Variants in HECTD2 observed in about 807,000 individuals in gnomAD.
HECTD2 encodes HECT domain E3 ubiquitin protein ligase 2.
In HECTD2, 35 loss-of-function variants were observed where a neutral mutation model predicts 103.2. The ratio of observed to expected loss-of-function variants is 0.34; its 90% CI spans 0.26 to 0.45. HECTD2 has a LOEUF of 0.45. HECTD2 is among the 20% of genes least tolerant of loss of function. HECTD2 has a pLI of 1.00. For synonymous variants in HECTD2, 281 were observed against 329.9 expected, an observed-to-expected ratio of 0.85 and a Z score of 1.61; for missense variants, 596 against 937.4, an observed-to-expected ratio of 0.64 and a Z score of 4.76.
chr10:91,426,188 G>A (rs1843551718), intron 2 of HECTD2, among the ~76,000 whole-genome samples: 1 of 152,016 alleles, frequency 6.6e-6, no homozygotes, highest in Non-Finnish European at 1.5e-5. Flanking sequence ...GGTTTCCTCA[G>A]GGAGGTAGAA....
chr10:91,429,413 C>T (rs1843733502), intron 2 of HECTD2, among the ~76,000 whole-genome samples: 1 of 151,928 alleles, frequency 6.6e-6, no homozygotes, highest in Non-Finnish European at 1.5e-5. Flanking sequence ...AGGGAGGATT[C>T]CCTCTTTTTC....
chr10:91,512,771 A>G lies in HECTD2; in HGVS notation c.*387A>G, dbSNP rs1315020970. ...ACTGCTAGCACTGCTAGCACACAGT[A>G]GCAAAGCAAACAGCTACATTATCTT... On this transcript the variant is annotated 3_prime_UTR_variant, in exon 21 of 21. Coordinates refer to ENST00000298068, the MANE Select transcript of HECTD2 (RefSeq NM_182765.6). The G allele has an allele frequency of 1.2e-5, 2 of 171,646 alleles. No homozygotes were observed. Among genetic ancestry groups the G allele is most frequent in the African/African-American group, 4.8e-5 (2 of 42,068 alleles). 10.6% of individuals were successfully genotyped at this position (171,646 alleles called of 1,614,324 possible).
chr10:91,460,450 C>T lies in HECTD2; in HGVS notation c.292C>T (p.Leu98Phe). The T allele has an allele frequency of 1.2e-6, 2 of 1,608,402 alleles. No individual in the cohort carries two copies. Among genetic ancestry groups the T allele is most frequent in the Non-Finnish European group, 1.7e-6 (2 of 1,177,452 alleles). ...KNVREPPPICLDVRQKQRTSM... is the reference protein window; with the variant it reads ...KNVREPPPICFDVRQKQRTSM... ...AGTGAGAGAACCACCACCAATTTGCCTTGATGTTAGACAAAAACAGCGTAC... is the reference window on the plus strand; with the variant it reads ...AGTGAGAGAACCACCACCAATTTGCTTTGATGTTAGACAAAAACAGCGTAC... The change falls in exon 3 of 21, where the codon CTT becomes TTT. Residue 98 changes from leucine to phenylalanine, a missense_variant. This residue lies in a region of HECTD2 where 220 missense variants were observed against 233.9 expected (regional missense o/e 0.94). Transcript: ENST00000298068.
intron 5 of HECTD2, among the ~76,000 whole-genome samples, chr10:91,476,166 A>G (rs996527696): frequency 1.1e-4 from 17 of 152,316 alleles, no homozygotes; most frequent in African/African-American, 3.8e-4. Flanking sequence ...AGGAGAGATA[A>G]GGAAAAACTT....
intron 2 of HECTD2, 64 bp downstream of exon 2, chr10:91,425,474 A>T (rs1265805570): frequency 8.1e-7 from 1 of 1,230,536 alleles, no homozygotes; most frequent in East Asian, 2.7e-5. Flanking sequence ...AAAAGTAGAC[A>T]TTAATTATTC....
intron 1 of HECTD2, among the ~76,000 whole-genome samples, chr10:91,414,037 AGTG>A (rs1396344183): frequency 2.0e-5 from 3 of 152,236 alleles, no homozygotes; most frequent in Non-Finnish European, 4.4e-5. Flanking sequence ...TGTTTAAAAA[AGTG>A]GTGAATGAGA....
chr10:91,437,410 G>A (rs188645610), intron 2 of HECTD2, among the ~76,000 whole-genome samples: 34 of 152,144 alleles, frequency 2.2e-4, no homozygotes, highest in African/African-American at 7.9e-4. Flanking sequence ...TCAAAAGAGA[G>A]AGCCAAGCAC....
rs1452122109 is a variant in HECTD2, at chr10:91,462,184, T to C, written c.600T>C (p.Thr200=). The C allele has an allele frequency of 3.2e-6, 5 of 1,576,614 alleles. No homozygotes were observed. Among genetic ancestry groups the C allele is most frequent in the Non-Finnish European group, 4.3e-6 (5 of 1,152,202 alleles). ...VNAVYDTLLN[T]PQDVQKTVLK... is the part of the protein sequence containing the mutation. ...CTGTGTATGATACCTTACTTAATAC[T>C]GTAAGTATTATGACATGCAAGTAAT... Residue 200 remains threonine, a splice_region_variant and synonymous_variant, in exon 5 of 21, where the codon ACT becomes ACC. Coordinates refer to ENST00000298068, the MANE Select transcript of HECTD2 (RefSeq NM_182765.6).
intron 9 of HECTD2, 59 bp downstream of exon 9, chr10:91,484,714 T>C: frequency 2.2e-6 from 3 of 1,349,462 alleles, no homozygotes; most frequent in Non-Finnish European, 2.0e-6. Flanking sequence ...TAGGGATATT[T>C]CTTAAGGATT....
chr10:91,460,681 A>C, intron 3 of HECTD2, 116 bp downstream of exon 3: 1 of 965,372 alleles, frequency 1.0e-6, no homozygotes. Context: ...ATTAGCCAAG[A>C]GGACCTCAAA....
At position 91,504,796 on chromosome 10, in the gene HECTD2, G is replaced by A. The variant is rs902389447; in HGVS notation, c.2210+3462G>A. On this transcript the variant is annotated intron_variant, in intron 20 of 20. Transcript: ENST00000298068. ...AGAGAACACCACAAAGATACTCCTC[G>A]AGAAGAGCAACTCCAAGACACATAA... 1.5e-4 allele frequency among the ~76,000 whole-genome samples: 22 copies of A among 151,438 alleles called. No homozygotes were observed. The South Asian group carries it at 3.2e-3, about 22-fold the overall frequency.
At chr10:91,410,650 G>C in intron 1 of HECTD2, 74 bp downstream of exon 1, 1 of 1,280,642 alleles carries the variant, frequency 7.8e-7, no homozygotes, top group Non-Finnish European at 9.9e-7. Flanking sequence ...GGCGAGGGCC[G>C]TCAGGAGGCC....
chr10:91,459,023 C>T (rs959730669), intron 2 of HECTD2, among the ~76,000 whole-genome samples: 1 of 151,898 alleles, frequency 6.6e-6, no homozygotes, highest in African/African-American at 2.4e-5. Flanking sequence ...GCTTTCAGTA[C>T]TTAACAGCAA....
chr10:91,483,092 A>C lies in HECTD2; in HGVS notation c.821+16A>C, dbSNP rs781623994. Reference sequence around the variant, plus strand: ...GGTTTAAAAAGTAAATCATTCTATGATATTAAGAACTTTTATAGTCTCACA... The same window carrying C: ...GGTTTAAAAAGTAAATCATTCTATGCTATTAAGAACTTTTATAGTCTCACA... On this transcript the variant is annotated intron_variant, in intron 8 of 20. Coordinates refer to ENST00000298068, the MANE Select transcript of HECTD2 (RefSeq NM_182765.6). The C allele has an allele frequency of 1.4e-4, 168 of 1,181,538 alleles. No homozygotes were observed. Among genetic ancestry groups the C allele is most frequent in the Admixed American group, 1.3e-3 (69 of 55,128 alleles). 73.2% of individuals were successfully genotyped at this position (1,181,538 alleles called of 1,614,324 possible).
chr10:91,467,548 C>T (rs75499195), intron 5 of HECTD2, among the ~76,000 whole-genome samples: 1 of 152,142 alleles, frequency 6.6e-6, no homozygotes, highest in Non-Finnish European at 1.5e-5. Context: ...AACCAAGGTA[C>T]TTCCTGGGGC....
chr10:91,413,090 G>T (rs1219424198), intron 1 of HECTD2, among the ~76,000 whole-genome samples: 1 of 152,088 alleles, frequency 6.6e-6, no homozygotes, highest in South Asian at 2.1e-4. Context: ...GACTCAATTC[G>T]TGACCCTACA....
chr10:91,430,825 CTT>C, intron 2 of HECTD2, among the ~76,000 whole-genome samples: 1 of 151,930 alleles, frequency 6.6e-6, no homozygotes, highest in East Asian at 1.9e-4. Context: ...GGTCTTGACT[CTT>C]TATCCAGTTT....
At chr10:91,465,965 T>C (rs901372738) in intron 5 of HECTD2, among the ~76,000 whole-genome samples, 2 of 152,168 alleles carry the variant, frequency 1.3e-5, no homozygotes, top group African/African-American at 4.8e-5. Flanking sequence ...TTAGAAAGTA[T>C]TCTCTCTGCT....
At chr10:91,410,917 C>T (rs1842893465) in intron 1 of HECTD2, among the ~76,000 whole-genome samples, 1 of 152,198 alleles carries the variant, frequency 6.6e-6, no homozygotes, top group South Asian at 2.1e-4. Context: ...GCATAGGTGT[C>T]AGCAGGCGGG....
Sources: allele counts gnomAD v4.1 joint callset (sites outside exome capture counted in the v4.1 genomes callset), GRCh38; gene constraint gnomAD v4.1.1; regional missense constraint gnomAD v4.1.1; transcripts MANE v1.5; gene names NCBI Gene and HGNC (gene_info 2026-07-23, HGNC 2026-07-21).